Variants in CIC observed in about 807,000 individuals in gnomAD.
CIC encodes the protein protein capicua homolog.
Under a neutral mutation model 115.7 loss-of-function variants are expected in CIC, and 18 were observed. The ratio of observed to expected loss-of-function variants is 0.16; its 90% CI spans 0.11 to 0.23. CIC has a LOEUF of 0.23. Ranked by LOEUF, CIC falls within the 10% of genes least tolerant of loss-of-function variation. The pLI, the probability that CIC is intolerant of heterozygous loss-of-function variation, is 1.00. For missense variants in CIC, 2,000 were observed against 2,159.3 expected (o/e 0.93, Z 1.46); for synonymous variants, 1,076 against 923.0 (o/e 1.17, Z -3.01).
chr19:42,284,091 G>GGA (rs1377834644), intron 2 of CIC: 1 of 148,532 alleles, frequency 6.7e-6, no homozygotes, highest in African/African-American at 2.4e-5. Flanking sequence ...GTTCGGCGCG[G>GGA]GGCTCGCTCG....
At chr19:42,288,409 A>ACCT (rs938711374) in intron 7 of CIC, among the ~76,000 whole-genome samples, 3 of 152,298 alleles carry the variant, frequency 2.0e-5, no homozygotes, top group African/African-American at 7.2e-5. Context: ...CAGCTCGCAA[A>ACCT]CACCCCTGAT....
Position 42,289,105 on chromosome 19 carries a change from C to T in CIC, c.3861+15C>T, listed in dbSNP as rs750347040. On this transcript the variant is annotated intron_variant, in intron 8 of 20. Coordinates refer to ENST00000681038, the MANE Select transcript of CIC (RefSeq NM_001386298.1). ...AACTGACGCAGGTCTAGGGTGCAGG[C>T]CCCCTAGTGGGGGTGGGCAGGGAAC... 4 of 1,613,390 alleles carry T rather than the reference C, an allele frequency of 2.5e-6. No individual in the cohort carries two copies. Among genetic ancestry groups the T allele is most frequent in the South Asian group, 2.2e-5 (2 of 91,088 alleles).
chr19:42,283,999 G>GGGGGAAGC (rs2037404769), intron 2 of CIC: 1 of 149,874 alleles, frequency 6.7e-6, no homozygotes, highest in Non-Finnish European at 1.5e-5. Context: ...GGAAGGCCGC[G>GGGGGAAGC]GGGGAAGCGG....
chr19:42,281,191 G>T (rs892090670), intron 2 of CIC, among the ~76,000 whole-genome samples: 1 of 152,176 alleles, frequency 6.6e-6, no homozygotes, highest in African/African-American at 2.4e-5. Flanking sequence ...GGACACCGGG[G>T]TGGTGAGCTG....
intron 7 of CIC, 125 bp downstream of exon 7, chr19:42,288,100 C>A: frequency 8.8e-7 from 1 of 1,133,732 alleles, no homozygotes; most frequent in Non-Finnish European, 1.3e-6. Flanking sequence ...ATTTGGCGAC[C>A]CTTATCCGTA....
Position 42,291,582 on chromosome 19 carries a change from C to T in CIC, c.5450C>T (p.Ala1817Val), listed in dbSNP as rs2038109016. The T allele has an allele frequency of 3.7e-6, 6 of 1,613,030 alleles. No individual in the cohort carries two copies. Among genetic ancestry groups the T allele is most frequent in the Non-Finnish European group, 5.1e-6 (6 of 1,179,992 alleles). Reference protein sequence around the residue: ...PKAQSVSPVQAPPPGGSAQLL... With the variant: ...PKAQSVSPVQVPPPGGSAQLL... ...GCCCAGTCAGTTTCTCCCGTGCAGG[C>T]CCCGCCCCCGGGTGGCTCAGCCCAG... The change falls in exon 12 of 21, where the codon GCC becomes GTC. Residue 1817 changes from alanine (A) to valine (V), a missense_variant. Ala to Val is a moderately conservative substitution (Grantham distance 64, BLOSUM62 0). Around this residue, in one of 8 missense-constraint regions of CIC, gnomAD observed 1,466 missense variants for 1,390.4 expected, o/e 1.05. Transcript: ENST00000681038.
chr19:42,291,817 TCA>T, intron 12 of CIC, 72 bp downstream of exon 12: 7 of 1,568,844 alleles, frequency 4.5e-6, no homozygotes, highest in Non-Finnish European at 6.1e-6. Flanking sequence ...GTCTTTTTTT[TCA>T]GTCTTTTCTC....
Position 42,292,429 on chromosome 19 carries a change from G to A in CIC, c.5865G>A (p.Gly1955=), listed in dbSNP as rs2147300595. 1 of 1,610,992 alleles carries A rather than the reference G, an allele frequency of 6.2e-7. No individual in the cohort carries two copies. The highest frequency in any genetic ancestry group is 1.1e-5 in the South Asian group (1 of 91,040). ...TAGCTCTAGGCTTCACCTCGCTGGG[G>A]CCCAGCGGCCCCGCCTTCGTGCAGC... ...SSVALGFTSL[G]PSGPAFVQPL... The change falls in exon 14 of 21, where the codon GGG becomes GGA. Residue 1955 remains glycine, a synonymous_variant. Transcript: ENST00000681038.
intron 2 of CIC, among the ~76,000 whole-genome samples, chr19:42,285,866 C>G (rs1298167251): frequency 1.3e-5 from 2 of 152,224 alleles, no homozygotes; most frequent in Non-Finnish European, 2.9e-5. Flanking sequence ...ACCCCTGGGA[C>G]CAGCCTCTTG....
Position 42,292,070 on chromosome 19 carries a change from G to A in CIC, c.5614-16G>A. On this transcript the variant is annotated splice_polypyrimidine_tract_variant and intron_variant, in intron 12 of 20. Transcript: ENST00000681038. ...GGCCACAGCTCACCCTGGCCTATGG[G>A]TGCCCTTCTCCACAGATCATCCAGC... The A allele has an allele frequency of 6.2e-7, 1 of 1,613,154 alleles. No individual in the cohort carries two copies. The highest frequency in any genetic ancestry group is 2.2e-5 in the East Asian group (1 of 44,878).
At chr19:42,292,261 G>T (rs372286082) in intron 13 of CIC, 39 bp from the exon 14 acceptor site, 14 of 1,613,540 alleles carry the variant, frequency 8.7e-6, no homozygotes, top group South Asian at 3.3e-5. Context: ...GGGCGGGGCC[G>T]GCTTACCTCA....
intron 12 of CIC, 75 bp from the exon 13 acceptor site, chr19:42,292,011 C>T (rs2038158091): frequency 6.2e-7 from 1 of 1,604,126 alleles, no homozygotes; most frequent in Non-Finnish European, 8.5e-7. Flanking sequence ...TAGAGTCCCA[C>T]TTGAGGTCTT....
In CIC at chr19:42,270,834, CTTCTGTGCGTGT is replaced by C. The variant is rs969225649; in HGVS notation, c.-10-939_-10-928del. ...CCCACTGTGTGATGACGTGTGCGTGCTTCTGTGCGTGTGTGTGTGTTTGTGCGCGTGCGTGTG... is the reference window on the plus strand; with the variant it reads ...CCCACTGTGTGATGACGTGTGCGTGCGTGTGTGTTTGTGCGCGTGCGTGTG... On this transcript the variant is annotated intron_variant, in intron 1 of 20. Transcript: ENST00000681038. The surrounding 1 kb of genome is among the most constrained non-coding windows in gnomAD (Gnocchi z 4.1). Among the ~76,000 whole-genome samples the C allele has an allele frequency of 2.6e-5, 4 of 152,156 alleles. No homozygotes were observed. Among genetic ancestry groups the C allele is most frequent in the African/African-American group, 9.7e-5 (4 of 41,432 alleles).
Position 42,295,143 on chromosome 19 carries a change from G to GGGGGGGCCCCCC in CIC, c.7506_7507insGGGGGGCCCCCC (p.Gln2502_Pro2503insGlyGlyProPro). 5.8e-6 allele frequency: 8 copies of GGGGGGGCCCCCC among 1,382,720 alleles called. No individual in the cohort carries two copies. Among genetic ancestry groups the GGGGGGGCCCCCC allele is most frequent in the Non-Finnish European group, 6.7e-6 (7 of 1,037,810 alleles). 85.7% of individuals were successfully genotyped at this position (1,382,720 alleles called of 1,614,324 possible). On this transcript the variant is annotated inframe_insertion, in exon 21 of 21. Transcript: ENST00000681038. ...AGCCTGGCTGGGAGGGGGCTCCCCA[G>GGGGGGGCCCCCC]CCCTCCCCCCCACCCCCAGGTCCCT... is the stretch of plus-strand genomic sequence containing the variant.
At position 42,293,694 on chromosome 19, in the gene CIC, G is replaced by C. The variant is rs377474306; in HGVS notation, c.6625G>C (p.Ala2209Pro). 1.2e-6 allele frequency: 2 copies of C among 1,612,716 alleles called. No homozygotes were observed. Among genetic ancestry groups the C allele is most frequent in the African/African-American group, 2.7e-5 (2 of 74,956 alleles). The change falls in exon 17 of 21, where the codon GCT becomes CCT. Residue 2209 changes from alanine to proline, a missense_variant. Transcript: ENST00000681038. ...TCCTCCCAGCCCGGCCCCAGCTCCA[G>C]CTGTAGCCCCTGGTGGCAGCAGCGA... ...PTPPSPAPAP[A>P]VAPGGSSESS...
rs2037168562 is a variant in CIC at position 42,280,300 on chromosome 19, A to T, written c.2794+5723A>T. On this transcript the variant is annotated intron_variant, in intron 2 of 20. Coordinates refer to ENST00000681038, the MANE Select transcript of CIC (RefSeq NM_001386298.1). This position sits in a 1 kb window ranked among gnomAD's most constrained non-coding sequence, Gnocchi z 4.9. ...CCGGCCGTGCCACCTCGCGGCTGCA[A>T]GATGCTATCCCCCCTCTGAGCCTGT... is the stretch of plus-strand genomic sequence containing the variant. 1 of 152,186 alleles carries T rather than the reference A, an allele frequency of 6.6e-6. No homozygotes were observed. Among genetic ancestry groups the T allele is most frequent in the Admixed American group, 6.5e-5 (1 of 15,288 alleles). The allele number at this position is 152,186 out of a possible 1,614,324, so 9.4% of individuals were successfully genotyped here.
chr19:42,290,247 G>A lies in CIC; in HGVS notation c.4206G>A (p.Lys1402=), dbSNP rs376422845. ...DPEGNKGFGR[K]VFSPVIRSSF... ...CTTTCATGCAGGGCTTTGGTCGGAA[G>A]GTGTTTTCACCTGTGATCCGTTCCT... Residue 1402 remains lysine, a synonymous_variant, in exon 11 of 21, where the codon AAG becomes AAA. Transcript: ENST00000681038. 5 of 1,613,974 alleles carry A rather than the reference G, an allele frequency of 3.1e-6. No individual in the cohort carries two copies. In the African/African-American group the frequency reaches 6.7e-5, roughly 22 times the overall value.
intron 2 of CIC, 139 bp from the exon 3 acceptor site, chr19:42,286,632 C>T (rs561878472): frequency 1.4e-5 from 14 of 998,834 alleles, no homozygotes; most frequent in East Asian, 7.4e-5. Flanking sequence ...GTTGCATGGA[C>T]GAGTCCAAGA....
chr19:42,283,817 G>T (rs889345299), intron 2 of CIC, among the ~76,000 whole-genome samples: 1 of 152,038 alleles, frequency 6.6e-6, no homozygotes, highest in Non-Finnish European at 1.5e-5. Context: ...CCCTCCTACC[G>T]CGGCCCCGCC....
Sources: allele counts gnomAD v4.1 joint callset (sites outside exome capture counted in the v4.1 genomes callset), GRCh38; gene constraint gnomAD v4.1.1; regional missense constraint gnomAD v4.1.1; non-coding constraint Gnocchi (gnomAD v3.1); transcripts MANE v1.5; gene names NCBI Gene and HGNC (gene_info 2026-07-23, HGNC 2026-07-21).